Variants in MRTFB observed in about 807,000 individuals in gnomAD.
MRTFB encodes the protein myocardin related transcription factor B, also known as myocardin-related transcription factor B.
In MRTFB, 29 loss-of-function variants were observed where a neutral mutation model predicts 104.2. The ratio of observed to expected loss-of-function variants is 0.28; its 90% confidence interval spans 0.21 to 0.38. The LOEUF (loss-of-function observed/expected upper bound fraction) is 0.38, where lower values mean the gene tolerates loss of function less well. Among genes scored for constraint, MRTFB ranks in the 10% least tolerant of loss-of-function variants. The pLI is 1.00. For missense variants in MRTFB, 1,270 were observed against 1,341.6 expected (o/e 0.95, Z 0.83); for synonymous variants, 535 against 519.5 (o/e 1.03, Z -0.41).
At chr16:14,135,034 A>T (rs2037636870) in intron 2 of MRTFB, among the ~76,000 whole-genome samples, 1 of 152,204 alleles carries the variant, frequency 6.6e-6, no homozygotes, top group African/African-American at 2.4e-5. Flanking sequence ...TTAGGAAACT[A>T]GGTCTCTAAG....
At chr16:14,227,262 G>A (rs138922136) in intron 8 of MRTFB, among the ~76,000 whole-genome samples, 64 of 150,212 alleles carry the variant, frequency 4.3e-4, no homozygotes, top group Middle Eastern at 3.4e-3. Context: ...ATTAGTTCCC[G>A]TGAGAGCTTG....
intron 3 of MRTFB, chr16:14,152,079 C>G (rs1475956768): frequency 6.6e-6 from 1 of 152,066 alleles, no homozygotes; most frequent in Admixed American, 6.5e-5. Context: ...ATGATAAGTA[C>G]TATACAGAAG....
At chr16:14,227,522 GT>G (rs938958755) in intron 8 of MRTFB, among the ~76,000 whole-genome samples, 3 of 151,176 alleles carry the variant, frequency 2.0e-5, no homozygotes, top group Non-Finnish European at 3.0e-5. Context: ...TTTTTGTTTT[GT>G]TTTTTTGAGA....
intron 8 of MRTFB, among the ~76,000 whole-genome samples, chr16:14,227,080 A>G (rs191337426): frequency 2.0e-5 from 3 of 152,236 alleles, no homozygotes; most frequent in Admixed American, 6.5e-5. Context: ...TGCAAATCAT[A>G]TATCTTATAA....
chr16:14,260,860 A>C, intron 16 of MRTFB, 49 bp from the exon 17 acceptor site: 8 of 1,480,044 alleles, frequency 5.4e-6, no homozygotes, highest in Non-Finnish European at 7.3e-6. Context: ...AAAAATTTTT[A>C]AGTAGTAGTA....
chr16:14,060,577 C>T, the MRTFB span, among the ~76,000 whole-genome samples: 4 of 152,146 alleles, frequency 2.6e-5, no homozygotes, highest in South Asian at 2.1e-4. Context: ...TTGTTCATCA[C>T]GAGTGGTCCA....
At chr16:13,999,902 C>T in the MRTFB span, among the ~76,000 whole-genome samples, 1 of 152,170 alleles carries the variant, frequency 6.6e-6, no homozygotes. Context: ...CTGAGGGCCT[C>T]CTCTGCACCT....
chr16:14,221,061 T>C (rs1465328381), intron 8 of MRTFB, among the ~76,000 whole-genome samples: 1 of 152,232 alleles, frequency 6.6e-6, no homozygotes, highest in Non-Finnish European at 1.5e-5. Context: ...AACTATGCCA[T>C]ACAGATGTCA....
At chr16:14,136,561 A>G (rs570339334) in intron 2 of MRTFB, among the ~76,000 whole-genome samples, 1 of 152,236 alleles carries the variant, frequency 6.6e-6, no homozygotes, top group South Asian at 2.1e-4. Flanking sequence ...AACCTCCCCA[A>G]ATTATTATCA....
intron 3 of MRTFB, chr16:14,186,717 G>T: frequency 3.5e-6 from 5 of 1,416,890 alleles, no homozygotes; most frequent in Non-Finnish European, 3.7e-6. Flanking sequence ...CGGCATGAGT[G>T]TATTTGCAGG....
At chr16:14,200,482 C>T in intron 3 of MRTFB, 1 of 1,610,626 alleles carries the variant, frequency 6.2e-7, no homozygotes, top group Non-Finnish European at 8.5e-7. Flanking sequence ...TCCACTTATT[C>T]TTTCGAGTCA....
At chr16:14,076,676 G>C (rs919935472) in intron 1 of MRTFB, among the ~76,000 whole-genome samples, 1 of 152,148 alleles carries the variant, frequency 6.6e-6, no homozygotes, top group Non-Finnish European at 1.5e-5. Context: ...CTAGAGGTGG[G>C]ATTGCTGGTC....
At chr16:14,153,270 G>C (rs926111207) in intron 3 of MRTFB, 23 of 152,138 alleles carry the variant, frequency 1.5e-4, no homozygotes, top group African/African-American at 5.6e-4. Flanking sequence ...CTCAAGCCAA[G>C]AATAACAGTG....
At chr16:14,132,872 A>G (rs2037508934) in intron 2 of MRTFB, among the ~76,000 whole-genome samples, 1 of 152,152 alleles carries the variant, frequency 6.6e-6, no homozygotes, top group Admixed American at 6.5e-5. Flanking sequence ...GTTCTGACTA[A>G]CTGAGTTGTG....
the MRTFB span, among the ~76,000 whole-genome samples, chr16:14,060,840 G>A: frequency 6.6e-6 from 1 of 151,964 alleles, no homozygotes; most frequent in East Asian, 1.9e-4. Context: ...CATCAACCAG[G>A]AGCTGCTTAA....
At chr16:14,241,072 A>G (rs1030641334) in intron 10 of MRTFB, 12 of 422,390 alleles carry the variant, frequency 2.8e-5, no homozygotes, top group African/African-American at 6.2e-5. Flanking sequence ...AGTACAGCCA[A>G]TGTCTAAGGG....
the MRTFB span, among the ~76,000 whole-genome samples, chr16:14,035,890 CCT>C: frequency 2.0e-5 from 3 of 151,470 alleles, no homozygotes; most frequent in African/African-American, 7.3e-5. Context: ...CCACCCTTTC[CCT>C]CTGAGTCCCC....
At chr16:14,029,445 T>TACACAC in the MRTFB span, among the ~76,000 whole-genome samples, 27,776 of 85,692 alleles carry the variant, frequency 0.32, 5,308 homozygotes, top group Admixed American at 0.42. Flanking sequence ...TATATATATA[T>TACACAC]ACACACACAC....
At position 14,206,504 on chromosome 16, in the gene MRTFB, C is replaced by T. The variant is rs190132226; in HGVS notation, c.155-3739C>T. ...TAAGTAGTAGTTGCTCTCAGAATAG[C>T]CTGTGTCAATTGTGAATGACTGGTT... is the stretch of plus-strand genomic sequence containing the variant. On this transcript the variant is annotated intron_variant, in intron 3 of 16. Coordinates refer to ENST00000571589, the MANE Select transcript of MRTFB (RefSeq NM_001308142.2). 2.6e-4 allele frequency among the ~76,000 whole-genome samples: 40 copies of T among 152,328 alleles called. No individual in the cohort carries two copies. The East Asian group carries it at 6.6e-3, about 25-fold the overall frequency.
Sources: allele counts gnomAD v4.1 joint callset (sites outside exome capture counted in the v4.1 genomes callset), GRCh38; gene constraint gnomAD v4.1.1; transcripts MANE v1.5; gene names NCBI Gene and HGNC (gene_info 2026-07-23, HGNC 2026-07-21).